PRKG2: variants seen among roughly 807,000 people sequenced by gnomAD.
PRKG2 encodes the protein cGMP-dependent protein kinase 2.
A neutral mutation model predicts 97.2 loss-of-function variants in PRKG2; 33 were observed. That is an observed-to-expected ratio of 0.34 (90% CI 0.26 to 0.45). The LOEUF (loss-of-function observed/expected upper bound fraction) is 0.45, where lower values mean the gene tolerates loss of function less well. Ranked by LOEUF, PRKG2 falls within the 20% of genes least tolerant of loss-of-function variation. The pLI, the probability that PRKG2 is intolerant of heterozygous loss-of-function variation, is 1.00. For missense variants in PRKG2, 638 were observed against 900.0 expected, an observed-to-expected ratio of 0.71 and a Z score of 3.73; for synonymous variants, 330 against 321.8, an observed-to-expected ratio of 1.03 and a Z score of -0.27.
At chr4:81,101,640 A>C (rs1436383749) in intron 17 of PRKG2, among the ~76,000 whole-genome samples, 1 of 151,868 alleles carries the variant, frequency 6.6e-6, no homozygotes, top group Non-Finnish European at 1.5e-5. Context: ...TGAGTGCAGC[A>C]CACCAACATG....
rs1436419998 is a variant in PRKG2, at chr4:81,169,654, T to C, written c.848+9A>G. On this transcript the variant is annotated intron_variant, in intron 5 of 18. Coordinates refer to ENST00000264399, the MANE Select transcript of PRKG2 (RefSeq NM_006259.3). ...CTGTCTTCACTGTCTCCCAATGTATTATTCTTACCTTCTGAGGAAGTTTCT... is the reference window on the plus strand; with the variant it reads ...CTGTCTTCACTGTCTCCCAATGTATCATTCTTACCTTCTGAGGAAGTTTCT... The C allele has an allele frequency of 6.4e-7, 1 of 1,559,652 alleles. No homozygotes were observed.
chr4:81,205,215 A>G (rs1329377703), intron 1 of PRKG2, among the ~76,000 whole-genome samples, 155 bp from the exon 2 acceptor site: 1 of 152,130 alleles, frequency 6.6e-6, no homozygotes, highest in East Asian at 1.9e-4. Context: ...AGAAAAAAAA[A>G]AAAAGCTATC....
chr4:81,138,227 G>T (rs111698091), intron 12 of PRKG2, among the ~76,000 whole-genome samples: 6 of 152,128 alleles, frequency 3.9e-5, no homozygotes, highest in Non-Finnish European at 8.8e-5. Flanking sequence ...TGGGGGAATG[G>T]GGGCCTCAGT....
chr4:81,148,764 T>G, intron 9 of PRKG2, 120 bp downstream of exon 9: 3 of 860,042 alleles, frequency 3.5e-6, no homozygotes, highest in Non-Finnish European at 5.8e-6. Context: ...TACTTGCAGC[T>G]GAGATCGGCC....
At chr4:81,130,583 C>T (rs780298837) in intron 14 of PRKG2, among the ~76,000 whole-genome samples, 65 of 152,136 alleles carry the variant, frequency 4.3e-4, no homozygotes, top group Non-Finnish European at 8.1e-4. Flanking sequence ...GCTGAAGCTG[C>T]ACCCACAGCC....
At chr4:81,110,777 G>A (rs60262864) in intron 14 of PRKG2, among the ~76,000 whole-genome samples, 166 bp from the exon 15 acceptor site, 19,494 of 85,084 alleles carry the variant, frequency 0.23, 1,686 homozygotes, top group Middle Eastern at 0.33. Flanking sequence ...ACAGACAGAC[G>A]GACAGACAGA....
chr4:81,174,237 T>C (rs1049292380), intron 3 of PRKG2, among the ~76,000 whole-genome samples: 9 of 152,174 alleles, frequency 5.9e-5, no homozygotes, highest in African/African-American at 2.2e-4. Flanking sequence ...TGGTCAAAAG[T>C]ACCTAAATTA....
At chr4:81,152,274 A>C (rs1748481572) in intron 7 of PRKG2, among the ~76,000 whole-genome samples, 2 of 152,138 alleles carry the variant, frequency 1.3e-5, no homozygotes, top group South Asian at 4.1e-4. Flanking sequence ...ATAACTACCC[A>C]CTGTAAGAGG....
In PRKG2 at chr4:81,088,603, C is replaced by A. The variant is rs1216204225; in HGVS notation, c.*1105G>T. On this transcript the variant is annotated 3_prime_UTR_variant, in exon 19 of 19. Coordinates refer to ENST00000264399, the MANE Select transcript of PRKG2 (RefSeq NM_006259.3). ...CTGTTGTCCCTTTTACTTCTGAAAT[C>A]CTATCACTTTTCTGGTGGCTTGCCT... 6.6e-6 allele frequency: 1 copy of A among 152,164 alleles called. No individual in the cohort carries two copies. The highest frequency in any genetic ancestry group is 1.5e-5 in the Non-Finnish European group (1 of 68,018). The allele number at this position is 152,164 out of a possible 1,614,324, so 9.4% of individuals were successfully genotyped here.
intron 2 of PRKG2, chr4:81,175,698 C>A (rs1750863688): frequency 6.6e-6 from 1 of 152,248 alleles, no homozygotes; most frequent in Admixed American, 6.5e-5. Flanking sequence ...ATCTCACAGT[C>A]CATTCTTTCC....
At chr4:81,154,523 C>T (rs1398795584) in intron 6 of PRKG2, among the ~76,000 whole-genome samples, 2 of 72,604 alleles carry the variant, frequency 2.8e-5, no homozygotes, top group African/African-American at 3.5e-4. Flanking sequence ...ACACCTCACA[C>T]GGCAGGGTAC....
At chr4:81,177,522 A>G (rs1751038794) in intron 2 of PRKG2, among the ~76,000 whole-genome samples, 1 of 152,054 alleles carries the variant, frequency 6.6e-6, no homozygotes, top group East Asian at 1.9e-4. Flanking sequence ...TGGCTAACAC[A>G]GTGAAACCCC....
Position 81,139,608 on chromosome 4 carries a change from A to G in PRKG2, c.1544+925T>C, listed in dbSNP as rs184577027. Among the ~76,000 whole-genome samples the G allele has an allele frequency of 1.9e-3, 281 of 146,802 alleles. 3 individuals carry two copies. Among genetic ancestry groups the G allele is most frequent in the African/African-American group, 6.8e-3 (251 of 36,882 alleles). ...CGGTGAAACCCCGTCTCTACTAAAA[A>G]TAGAAAAAAAAAAAAAATTAGCCAG... On this transcript the variant is annotated intron_variant, in intron 12 of 18. Coordinates refer to ENST00000264399, the MANE Select transcript of PRKG2 (RefSeq NM_006259.3).
At chr4:81,142,484 G>C (rs1747391475) in intron 11 of PRKG2, among the ~76,000 whole-genome samples, 1 of 152,130 alleles carries the variant, frequency 6.6e-6, no homozygotes, top group African/African-American at 2.4e-5. Flanking sequence ...CGCATTTGCT[G>C]TTAGAAAATA....
intron 15 of PRKG2, among the ~76,000 whole-genome samples, chr4:81,106,164 T>C (rs534312666): frequency 6.6e-6 from 1 of 152,298 alleles, no homozygotes; most frequent in East Asian, 1.9e-4. Context: ...TAATTGGTCA[T>C]GTGTCGATAA....
chr4:81,167,135 T>C, intron 6 of PRKG2, 26 bp downstream of exon 6: 1 of 1,463,532 alleles, frequency 6.8e-7, no homozygotes, highest in South Asian at 1.2e-5. Flanking sequence ...CTAATGAAAT[T>C]TATTTTTTAC....
intron 1 of PRKG2, among the ~76,000 whole-genome samples, chr4:81,205,280 A>T (rs3806815): frequency 6.6e-6 from 1 of 151,680 alleles, no homozygotes; most frequent in East Asian, 1.9e-4. Flanking sequence ...GTTCATTCTT[A>T]CCTGTCCCTT....
chr4:81,135,167 A>C lies in PRKG2; in HGVS notation c.1764T>G (p.Gly588=), dbSNP rs1746555110. The C allele has an allele frequency of 1.9e-6, 3 of 1,605,140 alleles. No individual in the cohort carries two copies. The highest frequency in any genetic ancestry group is 2.6e-6 in the Non-Finnish European group (3 of 1,175,488). Residue 588 remains glycine, a synonymous_variant, in exon 14 of 19, where the codon GGT becomes GGG. Coordinates refer to ENST00000264399, the MANE Select transcript of PRKG2 (RefSeq NM_006259.3). ...AAAGTTGTCTTACCAATTTAAGGTA[A>C]CCCTCAGCATCTAGAATTAAGTTTT... is the stretch of plus-strand genomic sequence containing the variant. ...KPENLILDAE[G]YLKLVDFGFA... is the part of the protein sequence containing the mutation.
rs1753579658 is a variant in PRKG2 at position 81,205,171 on chromosome 4, T to C, written c.-13-111A>G. The C allele has an allele frequency of 4.5e-6, 3 of 671,038 alleles. No homozygotes were observed. The South Asian group carries it at 7.9e-5, about 18-fold the overall frequency. The allele number at this position is 671,038 out of a possible 1,614,324, so 41.6% of individuals were successfully genotyped here. ...ATAAATAGGAACACAGTAATCTTCA[T>C]TGTTTGAAAAGCAATAAACTTCCCG... is the stretch of plus-strand genomic sequence containing the variant. On this transcript the variant is annotated intron_variant, in intron 1 of 18. Coordinates refer to ENST00000264399, the MANE Select transcript of PRKG2 (RefSeq NM_006259.3).
Sources: allele counts gnomAD v4.1 joint callset (sites outside exome capture counted in the v4.1 genomes callset), GRCh38; gene constraint gnomAD v4.1.1; transcripts MANE v1.5; gene names NCBI Gene and HGNC (gene_info 2026-07-23, HGNC 2026-07-21).